The following RIMS1 variants were observed in gnomAD, a reference collection of about 807,000 sequenced individuals.
RIMS1 encodes regulating synaptic membrane exocytosis protein 1.
Under a neutral mutation model 214.1 loss-of-function variants are expected in RIMS1, and 83 were observed. The ratio of observed to expected loss-of-function variants is 0.39; its 90% CI spans 0.32 to 0.47. The LOEUF (loss-of-function observed/expected upper bound fraction) is 0.47. Among genes scored for constraint, RIMS1 ranks in the 20% least tolerant of loss-of-function variants. RIMS1 has a pLI of 0.99. For synonymous variants in RIMS1, 793 were observed against 786.8 expected, an observed-to-expected ratio of 1.01 and a Z score of -0.13; for missense variants, 2,050 against 2,161.8, an observed-to-expected ratio of 0.95 and a Z score of 1.03.
Position 72,233,785 on chromosome 6 carries a change from A to T in RIMS1, c.1691A>T (p.Tyr564Phe), listed in dbSNP as rs1273222606. 17 of 1,573,766 alleles carry T rather than the reference A, an allele frequency of 1.1e-5. No individual in the cohort carries two copies. Among genetic ancestry groups the T allele is most frequent in the Non-Finnish European group, 1.5e-5 (17 of 1,157,124 alleles). ...TTGTATTGCACAGGTGATTTGGATT[A>T]TTACTGGTTGGATCCTGCCACGTGG... ...ESVSEKGDLDYYWLDPATWHS... is the reference protein window; with the variant it reads ...ESVSEKGDLDFYWLDPATWHS... The change falls in exon 7 of 34, where the codon TAT (tyrosine) becomes TTT (phenylalanine). Residue 564 changes from tyrosine to phenylalanine, a missense_variant. Tyr to Phe is a conservative substitution (Grantham distance 22). Coordinates refer to ENST00000521978, the MANE Select transcript of RIMS1 (RefSeq NM_014989.7).
chr6:72,245,532 T>C (rs1285281176), intron 10 of RIMS1, among the ~76,000 whole-genome samples: 2 of 152,110 alleles, frequency 1.3e-5, no homozygotes, highest in Non-Finnish European at 2.9e-5. Flanking sequence ...AAACCTGCTG[T>C]TTTGGTAGTA....
At chr6:72,193,320 A>C (rs2050354728) in intron 6 of RIMS1, among the ~76,000 whole-genome samples, 1 of 152,196 alleles carries the variant, frequency 6.6e-6, no homozygotes, top group African/African-American at 2.4e-5. Context: ...GAACACAAGG[A>C]TACCAGACGC....
intron 1 of RIMS1, among the ~76,000 whole-genome samples, chr6:71,908,813 A>G (rs958091668): frequency 6.6e-6 from 1 of 152,150 alleles, no homozygotes; most frequent in Non-Finnish European, 1.5e-5. Context: ...TCCTACCACC[A>G]TATATTTTTG....
chr6:71,930,878 G>T (rs1371480582), intron 1 of RIMS1, among the ~76,000 whole-genome samples: 3 of 152,024 alleles, frequency 2.0e-5, no homozygotes, highest in Non-Finnish European at 4.4e-5. Context: ...AGCAGAACCA[G>T]TGTAAGCACA....
intron 1 of RIMS1, among the ~76,000 whole-genome samples, chr6:71,955,611 C>T (rs988655831): frequency 7.9e-5 from 12 of 151,988 alleles, no homozygotes; most frequent in Admixed American, 2.0e-4. Flanking sequence ...GATTCAAGTC[C>T]TATCTGTGTA....
intron 1 of RIMS1, among the ~76,000 whole-genome samples, chr6:71,905,468 A>G (rs1281981616): frequency 2.0e-5 from 3 of 152,166 alleles, no homozygotes; most frequent in African/African-American, 7.2e-5. Flanking sequence ...GCCATTGGCC[A>G]GGACCAGGCA....
chr6:72,266,256 A>G (rs1463922449), intron 22 of RIMS1: 2 of 580,276 alleles, frequency 3.4e-6, no homozygotes, highest in Non-Finnish European at 6.2e-6. Context: ...ACATATTTCT[A>G]TGAATGTTGT....
At chr6:72,192,867 C>G (rs887094254) in intron 6 of RIMS1, among the ~76,000 whole-genome samples, 2 of 152,194 alleles carry the variant, frequency 1.3e-5, no homozygotes, top group Admixed American at 6.5e-5. Context: ...ATTGTGCCCA[C>G]TCAGATTGAG....
chr6:72,057,138 C>A (rs1826401954), intron 2 of RIMS1, among the ~76,000 whole-genome samples: 1 of 152,044 alleles, frequency 6.6e-6, no homozygotes, highest in Admixed American at 6.6e-5. Context: ...ATGTAACAAA[C>A]CTGCATTTGT....
At chr6:71,983,109 G>C (rs1254612236) in intron 2 of RIMS1, among the ~76,000 whole-genome samples, 1 of 151,922 alleles carries the variant, frequency 6.6e-6, no homozygotes, top group Admixed American at 6.6e-5. Flanking sequence ...CCTCCAAAAC[G>C]TACTTGACCA....
intron 4 of RIMS1, among the ~76,000 whole-genome samples, chr6:72,166,257 C>T (rs2046242333): frequency 6.7e-6 from 1 of 148,934 alleles, no homozygotes; most frequent in Non-Finnish European, 1.5e-5. Flanking sequence ...GAGACAGAGA[C>T]AGAGACAGAG....
chr6:72,268,398 T>C (rs2081543084), intron 22 of RIMS1, among the ~76,000 whole-genome samples: 2 of 152,210 alleles, frequency 1.3e-5, no homozygotes, highest in Admixed American at 1.3e-4. Flanking sequence ...TTTAAAAACT[T>C]AATTTTATAT....
rs191403561 is a variant in RIMS1 at position 72,237,985 on chromosome 6, T to C, written c.1957+63T>C. The stretch of plus-strand genomic sequence containing the variant: ...TCCATGCATGAACATGAATTGGTGG[T>C]TTTCAATTTGGGGTTAGTTTTATAT... On this transcript the variant is annotated intron_variant, in intron 9 of 33. Transcript: ENST00000521978. 6.4e-5 allele frequency: 76 copies of C among 1,186,928 alleles called. 2 individuals carry two copies. The highest frequency in any genetic ancestry group is 4.6e-4 in the Admixed American group (21 of 45,958). 73.5% of individuals were successfully genotyped at this position (1,186,928 alleles called of 1,614,324 possible).
intron 2 of RIMS1, among the ~76,000 whole-genome samples, chr6:72,023,819 T>G (rs1562138786): frequency 6.6e-6 from 1 of 152,176 alleles, no homozygotes; most frequent in Non-Finnish European, 1.5e-5. Context: ...TTCATAGAGA[T>G]ATTAACTCAT....
intron 29 of RIMS1, among the ~76,000 whole-genome samples, chr6:72,371,510 T>C (rs114568421): frequency 6.1e-4 from 93 of 152,348 alleles, no homozygotes; most frequent in African/African-American, 2.2e-3. Context: ...ATTTGAATTT[T>C]ACAGTTTTAT....
chr6:72,216,405 G>A, intron 6 of RIMS1: 1 of 981,544 alleles, frequency 1.0e-6, no homozygotes, highest in Non-Finnish European at 1.2e-6. Flanking sequence ...TTTGCCCTCT[G>A]GAGATGAGCC....
intron 31 of RIMS1, among the ~76,000 whole-genome samples, chr6:72,393,888 T>A (rs1204418177): frequency 6.6e-6 from 1 of 152,100 alleles, no homozygotes; most frequent in Non-Finnish European, 1.5e-5. Flanking sequence ...ATCAAGTAAT[T>A]TTGAGGCTAC....
chr6:72,096,502 T>A (rs2031759151), intron 2 of RIMS1, among the ~76,000 whole-genome samples: 1 of 152,234 alleles, frequency 6.6e-6, no homozygotes, highest in Admixed American at 6.5e-5. Context: ...TTGAATTATA[T>A]TCAGTATTAA....
chr6:72,031,213 A>G (rs1266956807), intron 2 of RIMS1, among the ~76,000 whole-genome samples: 1 of 152,208 alleles, frequency 6.6e-6, no homozygotes, highest in Non-Finnish European at 1.5e-5. Context: ...GCTTGAAGCT[A>G]CATTAAAAGA....
Sources: gnomAD v4.1 joint callset for allele counts (sites outside exome capture counted in the v4.1 genomes callset) on GRCh38, gnomAD v4.1.1 for gene constraint, MANE v1.5 for transcripts, NCBI Gene and HGNC (gene_info 2026-07-23, HGNC 2026-07-21) for gene names.